PISD: variants seen among roughly 807,000 people sequenced by gnomAD.
PISD encodes the protein phosphatidylserine decarboxylase proenzyme, mitochondrial.
A neutral mutation model predicts 43.5 loss-of-function variants in PISD; 31 were observed. That is an observed-to-expected ratio of 0.71 (90% CI 0.54 to 0.96). PISD has a LOEUF of 0.96. PISD is among the 40% of genes least tolerant of loss of function. PISD has a pLI of 0.00. For missense variants in PISD, 523 were observed against 548.4 expected, an observed-to-expected ratio of 0.95 and a Z score of 0.46; for synonymous variants, 259 against 228.7, an observed-to-expected ratio of 1.13 and a Z score of -1.20.
chr22:31,630,553 A>C lies in PISD; in HGVS notation c.322-8668T>G. The stretch of plus-strand genomic sequence containing the variant: ...CCGGCAGGAGATAAGATGTGGAGGA[A>C]GTGAGCTCACGCAGCCCGGGCCGTG... On this transcript the variant is annotated intron_variant, in intron 3 of 7. Transcript: ENST00000439502. The surrounding 1 kb of genome is among the most constrained non-coding windows in gnomAD (Gnocchi z 4.4). The C allele has an allele frequency of 1.0e-5, 2 of 192,508 alleles. No homozygotes were observed. Among genetic ancestry groups the C allele is most frequent in the Non-Finnish European group, 1.9e-5 (2 of 104,866 alleles). 11.9% of individuals were successfully genotyped at this position (192,508 alleles called of 1,614,324 possible). A position where few individuals can be genotyped will look rare whatever the true frequency, so the allele number is the denominator to read the frequency against.
chr22:31,655,800 A>G (rs1354056899), intron 1 of PISD, among the ~76,000 whole-genome samples: 3 of 151,770 alleles, frequency 2.0e-5, no homozygotes, highest in Non-Finnish European at 4.4e-5. Flanking sequence ...ACACCCAGCT[A>G]ATTTTTGTGT....
chr22:31,650,385 A>G (rs2073998313), intron 2 of PISD, among the ~76,000 whole-genome samples: 1 of 152,126 alleles, frequency 6.6e-6, no homozygotes, highest in African/African-American at 2.4e-5. Flanking sequence ...AATTAACAAT[A>G]AAAATTAGCC....
intron 3 of PISD, among the ~76,000 whole-genome samples, chr22:31,641,373 G>C (rs893767797): frequency 6.6e-6 from 1 of 152,098 alleles, no homozygotes; most frequent in African/African-American, 2.4e-5. Context: ...AGAATACCAC[G>C]ACAGCTGATA....
chr22:31,662,366 T>C (rs1327720512), upstream of PISD: 1 of 704,094 alleles, frequency 1.4e-6, no homozygotes, highest in East Asian at 2.6e-5. Flanking sequence ...CCTAACCCGC[T>C]TGGCACCTGC....
intron 1 of PISD, among the ~76,000 whole-genome samples, chr22:31,659,494 C>A (rs368890369): frequency 6.6e-6 from 1 of 152,158 alleles, no homozygotes; most frequent in East Asian, 1.9e-4. Context: ...ATTGTCCGTA[C>A]TTGCCTGAAC....
chr22:31,653,038 TAAAAA>T (rs36011234), intron 1 of PISD, among the ~76,000 whole-genome samples: 1 of 114,388 alleles, frequency 8.7e-6, no homozygotes, highest in Non-Finnish European at 1.8e-5. Flanking sequence ...GACCCTACCT[TAAAAA>T]AAAAAAAAAA....
At chr22:31,632,325 G>T in intron 3 of PISD, 1 of 822,382 alleles carries the variant, frequency 1.2e-6, no homozygotes, top group Non-Finnish European at 1.5e-6. Context: ...GGAGGCAGGG[G>T]TGAACAAGGC....
intron 3 of PISD, among the ~76,000 whole-genome samples, chr22:31,637,743 G>A (rs905991253): frequency 4.6e-5 from 7 of 152,198 alleles, no homozygotes; most frequent in African/African-American, 1.2e-4. Flanking sequence ...GTCTGGGGAA[G>A]AGGTCAACTT....
At chr22:31,620,044 G>C (rs1308208697) in intron 7 of PISD, among the ~76,000 whole-genome samples, 1 of 152,170 alleles carries the variant, frequency 6.6e-6, no homozygotes, top group Non-Finnish European at 1.5e-5. Flanking sequence ...GCTGTGAACT[G>C]GGCCCAGGGA....
intron 3 of PISD, among the ~76,000 whole-genome samples, chr22:31,637,158 AAAAAAAATATATAT>A (rs1382309403): frequency 1.7e-3 from 58 of 34,046 alleles, no homozygotes; most frequent in African/African-American, 6.4e-3. Flanking sequence ...AAAAAAAAAA[AAAAAAAATATATAT>A]ATATATATAT....
rs111347656 is a variant in PISD, at chr22:31,649,162, G to A, written c.146-886C>T. Among the ~76,000 whole-genome samples the A allele has an allele frequency of 6.1e-3, 925 of 152,290 alleles. 13 individuals carry two copies. The highest frequency in any genetic ancestry group is 0.021 in the African/African-American group (871 of 41,548). On this transcript the variant is annotated intron_variant, in intron 2 of 7. Coordinates refer to ENST00000439502, the MANE Select transcript of PISD (RefSeq NM_001326411.2). ...TTGAACCCAGGAGTTCAAGGTTACA[G>A]TGAGCTATGATCACGCCACTGCACT...
At chr22:31,642,008 C>A (rs1019329130) in intron 3 of PISD, among the ~76,000 whole-genome samples, 1 of 151,064 alleles carries the variant, frequency 6.6e-6, no homozygotes, top group Admixed American at 6.6e-5. Flanking sequence ...CAATCCTACA[C>A]GTAGGCTTTC....
At chr22:31,658,259 T>C (rs2074231958) in intron 1 of PISD, among the ~76,000 whole-genome samples, 1 of 152,192 alleles carries the variant, frequency 6.6e-6, no homozygotes, top group African/African-American at 2.4e-5. Flanking sequence ...AGCACTCCAG[T>C]CTGCCTGTGC....
At chr22:31,642,274 C>T (rs1389967270) in intron 3 of PISD, among the ~76,000 whole-genome samples, 1 of 150,490 alleles carries the variant, frequency 6.6e-6, no homozygotes, top group Non-Finnish European at 1.5e-5. Flanking sequence ...TAGTGAGACC[C>T]CATCTCTACA....
chr22:31,626,862 T>G (rs56318295), intron 3 of PISD, among the ~76,000 whole-genome samples: 10,000 of 152,266 alleles, frequency 0.066, 330 homozygotes, highest in African/African-American at 0.089. Context: ...ACCCCTCCAG[T>G]CCTTCACCCC....
Position 31,621,073 on chromosome 22 carries a change from A to G in PISD, c.767T>C (p.Ile256Thr), listed in dbSNP as rs1246822228. The G allele has an allele frequency of 5.0e-6, 8 of 1,614,116 alleles. No homozygotes were observed. Among genetic ancestry groups the G allele is most frequent in the Admixed American group, 1.7e-5 (1 of 60,002 alleles). The change falls in exon 6 of 8, where the codon ATC (isoleucine) becomes ACC (threonine). Residue 256 changes from isoleucine (I) to threonine (T), a missense_variant. Ile to Thr is a moderately conservative substitution (Grantham distance 89). Coordinates refer to ENST00000439502, the MANE Select transcript of PISD (RefSeq NM_001326411.2). The part of the protein sequence containing the change: ...REGNELYHCV[I>T]YLAPGDYHCF... ...GTGGTAGTCCCCAGGGGCCAGGTAG[A>G]TGACACAGTGATAGAGCTCATTCCC...
chr22:31,662,398 G>A (rs1428713214), upstream of PISD: 3 of 606,414 alleles, frequency 4.9e-6, no homozygotes, highest in Non-Finnish European at 8.9e-6. Flanking sequence ...AACTAGTGGA[G>A]CTGTAGGTTT....
At chr22:31,655,162 C>T (rs56406828) in intron 1 of PISD, among the ~76,000 whole-genome samples, 8,684 of 150,416 alleles carry the variant, frequency 0.058, 455 homozygotes, top group Admixed American at 0.13. Context: ...CAATCAGGAA[C>T]ACCCAATGCA....
intron 3 of PISD, chr22:31,625,764 A>C: frequency 6.3e-7 from 1 of 1,587,714 alleles, no homozygotes; most frequent in Non-Finnish European, 8.6e-7. Flanking sequence ...GCATCTCACC[A>C]TTTCGCCGCG....
Sources: gnomAD v4.1 joint callset for allele counts (sites outside exome capture counted in the v4.1 genomes callset) on GRCh38, gnomAD v4.1.1 for gene constraint, Gnocchi (gnomAD v3.1) non-coding constraint, MANE v1.5 for transcripts, NCBI Gene and HGNC (gene_info 2026-07-23, HGNC 2026-07-21) for gene names.